CDKN3: variants seen among roughly 807,000 people sequenced by gnomAD.
CDKN3 encodes cyclin-dependent kinase inhibitor 3.
Under a neutral mutation model 36.1 loss-of-function variants are expected in CDKN3, and 19 were observed. The ratio of observed to expected loss-of-function variants is 0.53; its 90% CI spans 0.37 to 0.77. The LOEUF (loss-of-function observed/expected upper bound fraction) is 0.77. CDKN3 is among the 30% of genes least tolerant of loss of function. The pLI is 0.00. For synonymous variants in CDKN3, 71 were observed against 85.3 expected (o/e 0.83, Z 0.92); for missense variants, 188 against 248.6 (o/e 0.76, Z 1.64).
chr14:54,398,084 T>C (rs989584415), intron 1 of CDKN3, among the ~76,000 whole-genome samples: 2 of 152,124 alleles, frequency 1.3e-5, no homozygotes, highest in African/African-American at 4.8e-5. Context: ...TGAGCGGATA[T>C]CACGCCACTG....
intron 3 of CDKN3, among the ~76,000 whole-genome samples, chr14:54,402,311 T>C (rs28876203): frequency 6.0e-5 from 8 of 133,158 alleles, no homozygotes; most frequent in Admixed American, 2.8e-4. Context: ...TGTGTGTGCG[T>C]GTGTGTGTGT....
At chr14:54,409,879 A>T (rs2030290602) in intron 4 of CDKN3, among the ~76,000 whole-genome samples, 1 of 150,832 alleles carries the variant, frequency 6.6e-6, no homozygotes, top group Admixed American at 6.6e-5. Context: ...TGGCAGAGCA[A>T]GACCCTGCCT....
chr14:54,405,897 T>G (rs988049271), intron 3 of CDKN3, among the ~76,000 whole-genome samples: 35 of 152,344 alleles, frequency 2.3e-4, no homozygotes, highest in Admixed American at 1.7e-3. Flanking sequence ...TAGCTGGTTA[T>G]TTTGCCCATT....
intron 7 of CDKN3, among the ~76,000 whole-genome samples, chr14:54,418,878 G>A (rs1035229983): frequency 2.6e-5 from 4 of 152,190 alleles, no homozygotes; most frequent in East Asian, 1.9e-4. Flanking sequence ...CAAACGATGC[G>A]GCCAGGCGCG....
At chr14:54,419,193 A>C (rs1056378062) in intron 7 of CDKN3, among the ~76,000 whole-genome samples, 1 of 152,184 alleles carries the variant, frequency 6.6e-6, no homozygotes, top group Admixed American at 6.5e-5. Flanking sequence ...CTTCAAATCC[A>C]AAAAGTTCAC....
At chr14:54,404,371 G>A (rs1201405313) in intron 3 of CDKN3, among the ~76,000 whole-genome samples, 1 of 152,050 alleles carries the variant, frequency 6.6e-6, no homozygotes, top group African/African-American at 2.4e-5. Flanking sequence ...ATGGTAGTTT[G>A]TATTTCTGTG....
chr14:54,418,984 C>A (rs947386599), intron 7 of CDKN3, among the ~76,000 whole-genome samples: 4 of 152,036 alleles, frequency 2.6e-5, no homozygotes, highest in Admixed American at 6.6e-5. Context: ...CATAACGAAA[C>A]CTTGTCCCTA....
intron 6 of CDKN3, 69 bp from the exon 7 acceptor site, chr14:54,417,779 A>T: frequency 1.2e-6 from 1 of 805,018 alleles, no homozygotes; most frequent in Non-Finnish European, 2.0e-6. Context: ...AAGTCTTATT[A>T]AATATAAAAT....
At position 54,397,088 on chromosome 14, in the gene CDKN3, C is replaced by G. The variant is rs1168075208; in HGVS notation, c.9+11C>G. On this transcript the variant is annotated intron_variant, in intron 1 of 7. Transcript: ENST00000335183. ...CCAGCGATGAAGCCGGTGAGTCGGA[C>G]GTGCTGGGGTTTGGAGGAGCGAGGC... 1 of 1,501,620 alleles carries G rather than the reference C, an allele frequency of 6.7e-7. No homozygotes were observed. The highest frequency in any genetic ancestry group is 8.9e-7 in the Non-Finnish European group (1 of 1,122,550). 93.0% of individuals were successfully genotyped at this position (1,501,620 alleles called of 1,614,324 possible).
intron 4 of CDKN3, among the ~76,000 whole-genome samples, chr14:54,410,082 T>G (rs2139979477): frequency 6.6e-6 from 1 of 152,342 alleles, no homozygotes; most frequent in African/African-American, 2.4e-5. Flanking sequence ...AAAGTCAGTC[T>G]TGTACATTTT....
chr14:54,399,849 C>CA lies in CDKN3; in HGVS notation c.10-38dup, dbSNP rs768402750. The CA allele has an allele frequency of 4.9e-6, 5 of 1,010,998 alleles. No homozygotes were observed. In the South Asian group the frequency reaches 5.1e-5, roughly 10 times the overall value. 62.6% of individuals were successfully genotyped at this position (1,010,998 alleles called of 1,614,324 possible). A position where few individuals can be genotyped will look rare whatever the true frequency, so the allele number is the denominator to read the frequency against. On this transcript the variant is annotated intron_variant, in intron 1 of 7. Transcript: ENST00000335183. ...ACAAGGATTAGCTATCCTAAAACTA[C>CA]AAAAAAATTCTTTACAGTTATTTAA...
At chr14:54,419,888 T>G in intron 7 of CDKN3, 104 bp from the exon 8 acceptor site, 1 of 655,138 alleles carries the variant, frequency 1.5e-6, no homozygotes, top group Non-Finnish European at 2.7e-6. Context: ...TGTAGAATTG[T>G]GCTTAGCAAG....
chr14:54,407,275 C>T (rs1362670973), intron 3 of CDKN3, among the ~76,000 whole-genome samples: 1 of 152,194 alleles, frequency 6.6e-6, no homozygotes, highest in Non-Finnish European at 1.5e-5. Context: ...TACGAAGTGT[C>T]TGTCGACCCC....
intron 3 of CDKN3, among the ~76,000 whole-genome samples, chr14:54,404,455 G>A (rs1435136058): frequency 6.6e-6 from 1 of 150,948 alleles, no homozygotes; most frequent in African/African-American, 2.5e-5. Context: ...TTCTTTATTA[G>A]TCTGGCTAGT....
At chr14:54,416,054 A>G in intron 6 of CDKN3, 124 bp downstream of exon 6, 1 of 739,196 alleles carries the variant, frequency 1.4e-6, no homozygotes, top group Non-Finnish European at 2.3e-6. Flanking sequence ...GACTCAAAGG[A>G]TTACTTAAGG....
At chr14:54,419,914 C>T in intron 7 of CDKN3, 78 bp from the exon 8 acceptor site, 6 of 758,302 alleles carry the variant, frequency 7.9e-6, no homozygotes, top group Middle Eastern at 3.1e-4. Flanking sequence ...TTTTTTATTC[C>T]TGATACCTGC....
At chr14:54,401,387 G>T in intron 2 of CDKN3, 137 bp from the exon 3 acceptor site, 1 of 566,590 alleles carries the variant, frequency 1.8e-6, no homozygotes, top group South Asian at 2.6e-5. Context: ...ACTTAACTGT[G>T]AATTCTTACT....
At chr14:54,408,712 T>A in intron 3 of CDKN3, 33 bp from the exon 4 acceptor site, 1 of 1,560,094 alleles carries the variant, frequency 6.4e-7, no homozygotes, top group Non-Finnish European at 8.6e-7. Flanking sequence ...GACGAAAAAC[T>A]GACTTTTTTA....
At chr14:54,408,706 A>T (rs1212170824) in intron 3 of CDKN3, 39 bp from the exon 4 acceptor site, 1 of 1,558,112 alleles carries the variant, frequency 6.4e-7, no homozygotes, top group Non-Finnish European at 8.6e-7. Flanking sequence ...ACATATGACG[A>T]AAAACTGACT....
Sources: allele counts gnomAD v4.1 joint callset (sites outside exome capture counted in the v4.1 genomes callset), GRCh38; gene constraint gnomAD v4.1.1; transcripts MANE v1.5; gene names NCBI Gene and HGNC (gene_info 2026-07-23, HGNC 2026-07-21).